GXYLT1: variants seen among roughly 807,000 people sequenced by gnomAD.
GXYLT1 encodes glycosyltransferase 8 domain containing 3.
GXYLT1 carries 29 observed loss-of-function variants against 54.0 expected under a neutral mutation model. That is an observed-to-expected ratio of 0.54 (90% CI 0.40 to 0.73). GXYLT1 has a LOEUF of 0.73. Ranked by LOEUF, GXYLT1 falls within the 30% of genes least tolerant of loss-of-function variation. GXYLT1 has a pLI of 0.00. For missense variants in GXYLT1, 490 were observed against 553.4 expected, an observed-to-expected ratio of 0.89 and a Z score of 1.15; for synonymous variants, 176 against 204.1, an observed-to-expected ratio of 0.86 and a Z score of 1.17.
intron 4 of GXYLT1, among the ~76,000 whole-genome samples, chr12:42,107,767 A>G (rs976316026): frequency 6.6e-6 from 1 of 152,170 alleles, no homozygotes; most frequent in Middle Eastern, 3.2e-3. Flanking sequence ...TGGTGGAGTT[A>G]GAATTGTTTT....
chr12:42,141,176 C>G (rs542792387), intron 1 of GXYLT1, among the ~76,000 whole-genome samples: 3 of 152,166 alleles, frequency 2.0e-5, no homozygotes, highest in Non-Finnish European at 2.9e-5. Flanking sequence ...GGTCCACAAA[C>G]GGGCATGCAA....
intron 7 of GXYLT1, among the ~76,000 whole-genome samples, chr12:42,095,465 A>C (rs1368852763): frequency 6.6e-6 from 1 of 152,228 alleles, no homozygotes; most frequent in Non-Finnish European, 1.5e-5. Flanking sequence ...TATCTCCAGA[A>C]TATTTTAAAT....
At chr12:42,098,341 T>A (rs2065369148) in intron 5 of GXYLT1, among the ~76,000 whole-genome samples, 1 of 151,964 alleles carries the variant, frequency 6.6e-6, no homozygotes, top group Non-Finnish European at 1.5e-5. Context: ...TACGTCAGAG[T>A]TGTTGATGAT....
intron 3 of GXYLT1, among the ~76,000 whole-genome samples, chr12:42,118,004 A>T (rs2065507346): frequency 6.6e-6 from 1 of 152,202 alleles, no homozygotes; most frequent in Non-Finnish European, 1.5e-5. Context: ...ATGGACCATG[A>T]AGCAGAAGCC....
At chr12:42,116,145 A>T (rs1401065925) in intron 3 of GXYLT1, among the ~76,000 whole-genome samples, 1 of 152,050 alleles carries the variant, frequency 6.6e-6, no homozygotes. Context: ...TGGATTAAAG[A>T]CTTACATGTT....
chr12:42,089,816 G>T (rs1169597267), intron 7 of GXYLT1, among the ~76,000 whole-genome samples: 2 of 152,184 alleles, frequency 1.3e-5, no homozygotes, highest in Non-Finnish European at 2.9e-5. Flanking sequence ...ACACAAATTT[G>T]TTTGGGGTTA....
chr12:42,112,157 C>A (rs187812678), intron 3 of GXYLT1, among the ~76,000 whole-genome samples: 4,480 of 152,150 alleles, frequency 0.029, 87 homozygotes, highest in South Asian at 0.049. Flanking sequence ...TCACCATCAT[C>A]AAAGACCAAA....
chr12:42,082,196 A>G lies in GXYLT1; in HGVS notation c.*5590T>C, dbSNP rs1176644862. On this transcript the variant is annotated 3_prime_UTR_variant, in exon 8 of 8. Coordinates refer to ENST00000398675, the MANE Select transcript of GXYLT1 (RefSeq NM_173601.2). ...ATGCAAAATGATTGAGAAAATTGAA[A>G]TACCTGCAACCTTTTCCAGTTTGAC... The G allele has an allele frequency of 6.6e-6, 1 of 152,238 alleles. No individual in the cohort carries two copies. The highest frequency in any genetic ancestry group is 2.4e-5 in the African/African-American group (1 of 41,466). 9.4% of individuals were successfully genotyped at this position (152,238 alleles called of 1,614,324 possible).
Position 42,087,515 on chromosome 12 carries a change from G to C in GXYLT1, c.*271C>G. The C allele has an allele frequency of 3.1e-6, 1 of 326,456 alleles. No individual in the cohort carries two copies. Among genetic ancestry groups the C allele is most frequent in the South Asian group, 3.1e-5 (1 of 32,080 alleles). 20.2% of individuals were successfully genotyped at this position (326,456 alleles called of 1,614,324 possible). On this transcript the variant is annotated 3_prime_UTR_variant, in exon 8 of 8. Coordinates refer to ENST00000398675, the MANE Select transcript of GXYLT1 (RefSeq NM_173601.2). ...AGTATGAGTCAACAGAAGTCTGCAG[G>C]TTAAACCCATTCAATAGTATTTTCA...
At chr12:42,113,219 T>C (rs1485957695) in intron 3 of GXYLT1, among the ~76,000 whole-genome samples, 1 of 150,948 alleles carries the variant, frequency 6.6e-6, no homozygotes, top group African/African-American at 2.5e-5. Flanking sequence ...AGAAACTACA[T>C]GAACTAACGA....
Position 42,129,798 on chromosome 12 carries a change from T to C in GXYLT1, c.275A>G (p.Asp92Gly). Residue 92 changes from aspartate to glycine, a missense_variant, in exon 2 of 8, where the codon GAT becomes GGT. By Grantham distance (94) the Asp-to-Gly change is moderately conservative. This residue lies in a region of GXYLT1 where 148 missense variants were observed against 210.7 expected (regional missense o/e 0.70). Coordinates refer to ENST00000398675, the MANE Select transcript of GXYLT1 (RefSeq NM_173601.2). ...CCAAAAGCAGTTCATTCCACAAACATCAGAGGGCAGCATCCAATAGGGATT... is the reference window on the plus strand; with the variant it reads ...CCAAAAGCAGTTCATTCCACAAACACCAGAGGGCAGCATCCAATAGGGATT... ...YWNPYWMLPSDVCGMNCFWEA... is the reference protein window; with the variant it reads ...YWNPYWMLPSGVCGMNCFWEA... 1 of 1,613,724 alleles carries C rather than the reference T, an allele frequency of 6.2e-7. No individual in the cohort carries two copies. The highest frequency in any genetic ancestry group is 8.5e-7 in the Non-Finnish European group (1 of 1,179,824).
At chr12:42,143,974 G>A (rs1007116577) in intron 1 of GXYLT1, among the ~76,000 whole-genome samples, 4 of 152,068 alleles carry the variant, frequency 2.6e-5, no homozygotes, top group African/African-American at 7.2e-5. Context: ...AAATCAGCAT[G>A]AGGGACAAAA....
At chr12:42,115,793 T>C (rs1027885450) in intron 3 of GXYLT1, among the ~76,000 whole-genome samples, 8 of 151,522 alleles carry the variant, frequency 5.3e-5, no homozygotes, top group South Asian at 2.1e-4. Context: ...AAAGTTCATA[T>C]GGAACCAAAA....
intron 5 of GXYLT1, among the ~76,000 whole-genome samples, chr12:42,104,225 A>AC (rs1476920875): frequency 6.6e-6 from 1 of 151,114 alleles, no homozygotes. Flanking sequence ...TTAATTTCAT[A>AC]AATTTCAAAT....
At chr12:42,104,255 A>ATTTT (rs11390703) in intron 5 of GXYLT1, among the ~76,000 whole-genome samples, 1 of 149,004 alleles carries the variant, frequency 6.7e-6, no homozygotes. Context: ...GAGAAGTCAC[A>ATTTT]TTTTTTTTTT....
intron 3 of GXYLT1, among the ~76,000 whole-genome samples, chr12:42,113,709 G>A (rs1310770876): frequency 4.0e-5 from 6 of 150,632 alleles, no homozygotes; most frequent in East Asian, 1.9e-4. Flanking sequence ...TGTCAACATT[G>A]GACAGATCAA....
chr12:42,126,322 G>T (rs952373302), intron 2 of GXYLT1, among the ~76,000 whole-genome samples: 1 of 152,142 alleles, frequency 6.6e-6, no homozygotes, highest in South Asian at 2.1e-4. Context: ...CGATCGGCAC[G>T]CCTTGGCCTC....
chr12:42,095,956 C>G, intron 7 of GXYLT1, among the ~76,000 whole-genome samples: 1 of 152,034 alleles, frequency 6.6e-6, no homozygotes, highest in Non-Finnish European at 1.5e-5. Context: ...TTTTAGTAAG[C>G]TGGTTTGGGG....
chr12:42,106,705 T>C (rs1327677299), intron 4 of GXYLT1, among the ~76,000 whole-genome samples: 1 of 151,948 alleles, frequency 6.6e-6, no homozygotes. Context: ...AACATGTGCC[T>C]TCCCTGGGGA....
Sources: gnomAD v4.1 joint callset for allele counts (sites outside exome capture counted in the v4.1 genomes callset) on GRCh38, gnomAD v4.1.1 for gene constraint, gnomAD v4.1.1 regional missense constraint, MANE v1.5 for transcripts, NCBI Gene and HGNC (gene_info 2026-07-23, HGNC 2026-07-21) for gene names.